The following COL21A1 variants were observed in gnomAD, a reference collection of about 807,000 sequenced individuals.
The protein encoded by COL21A1 is collagen alpha-1(XXI) chain.
A neutral mutation model predicts 137.9 loss-of-function variants in COL21A1; 149 were observed. The observed-to-expected ratio is 1.08, with a 90% CI of 0.95 to 1.24. COL21A1 has a LOEUF of 1.24. COL21A1 is among the 50% of genes most tolerant of loss of function. The pLI is 0.00. For synonymous variants in COL21A1, 456 were observed against 391.5 expected, an observed-to-expected ratio of 1.16 and a Z score of -1.95; for missense variants, 1,167 against 1,158.4, an observed-to-expected ratio of 1.01 and a Z score of -0.11.
At position 56,373,549 on chromosome 6, in the gene COL21A1, C is replaced by A. The variant is rs2093993957; in HGVS notation, c.-39+20422G>T. On this transcript the variant is annotated intron_variant, in intron 1 of 28. Coordinates refer to the COL21A1 transcript ENST00000370819. ...CCCAGGAGGCAGAGGTTTCAGTGAG[C>A]TGAGATCGGGCCACTGTATTCCAGC... Among the ~76,000 whole-genome samples, 3 of 152,206 alleles carry A rather than the reference C, an allele frequency of 2.0e-5. No homozygotes were observed. In the South Asian group the frequency reaches 6.2e-4, roughly 31 times the overall value.
intron 1 of COL21A1, among the ~76,000 whole-genome samples, chr6:56,280,311 C>A (rs1763760999): frequency 6.6e-6 from 1 of 152,184 alleles, no homozygotes; most frequent in African/African-American, 2.4e-5. Context: ...ATAGATGGCA[C>A]AGGACCAGGC....
At chr6:56,282,582 G>A (rs1021339709) in intron 1 of COL21A1, among the ~76,000 whole-genome samples, 3 of 152,192 alleles carry the variant, frequency 2.0e-5, no homozygotes, top group Non-Finnish European at 4.4e-5. Context: ...CTCCTCTGTG[G>A]TCAGAACAGC....
chr6:56,188,731 G>A lies in COL21A1; in HGVS notation c.-38-6075C>T, dbSNP rs539961968. Among the ~76,000 whole-genome samples, 5 of 152,298 alleles carry A rather than the reference G, an allele frequency of 3.3e-5. No individual in the cohort carries two copies. The East Asian group carries it at 7.7e-4, about 24-fold the overall frequency. On this transcript the variant is annotated intron_variant, in intron 1 of 29. Coordinates refer to ENST00000244728, the MANE Select transcript of COL21A1 (RefSeq NM_030820.4). ...AGACACCTCATAGAGAAGAGCTCTG[G>A]CTGGCATCTGGCAGGTGCCCCTCTG...
At chr6:56,358,762 A>G (rs1181787273) in intron 1 of COL21A1, among the ~76,000 whole-genome samples, 1 of 152,228 alleles carries the variant, frequency 6.6e-6, no homozygotes, top group Admixed American at 6.5e-5. Flanking sequence ...TAAAGAAGAA[A>G]GAAAAAAGCC....
intron 12 of COL21A1, among the ~76,000 whole-genome samples, chr6:56,136,552 T>G (rs913510990): frequency 2.6e-5 from 4 of 152,174 alleles, no homozygotes; most frequent in African/African-American, 7.2e-5. Context: ...CTTTCATGGC[T>G]GATGAATATA....
chr6:56,222,123 A>C, intron 1 of COL21A1, among the ~76,000 whole-genome samples: 1 of 152,110 alleles, frequency 6.6e-6, no homozygotes, highest in Non-Finnish European at 1.5e-5. Flanking sequence ...AAATACAAAA[A>C]TTAGCCGGGC....
intron 1 of COL21A1, among the ~76,000 whole-genome samples, chr6:56,361,155 C>T (rs186623073): frequency 3.3e-5 from 5 of 152,208 alleles, no homozygotes; most frequent in Middle Eastern, 3.4e-3. Context: ...CAGAGACTTT[C>T]GGGTTTTATG....
At chr6:56,304,598 TTG>T (rs1764390716) in intron 1 of COL21A1, among the ~76,000 whole-genome samples, 3 of 152,218 alleles carry the variant, frequency 2.0e-5, no homozygotes, top group Non-Finnish European at 4.4e-5. Context: ...TCATTTTTTA[TTG>T]TGTCTATTTC....
intron 9 of COL21A1, among the ~76,000 whole-genome samples, chr6:56,159,054 C>A (rs1776001043): frequency 6.6e-6 from 1 of 152,150 alleles, no homozygotes; most frequent in Admixed American, 6.5e-5. Context: ...TCCCTGCCAT[C>A]CTTCCTTATC....
At chr6:56,359,734 G>C (rs2223593) in intron 1 of COL21A1, among the ~76,000 whole-genome samples, 111,247 of 152,046 alleles carry the variant, frequency 0.73, 41,097 homozygotes, top group East Asian at 0.94. Context: ...ACCAAGTAGT[G>C]CATTAAATTA....
At chr6:56,151,620 A>AT (rs1775328049) in intron 10 of COL21A1, among the ~76,000 whole-genome samples, 1 of 152,292 alleles carries the variant, frequency 6.6e-6, no homozygotes, top group Admixed American at 6.5e-5. Context: ...ATAATTTCCT[A>AT]TTTAAAGTTT....
intron 1 of COL21A1, among the ~76,000 whole-genome samples, chr6:56,189,253 C>T (rs1006032380): frequency 6.6e-6 from 1 of 151,632 alleles, no homozygotes; most frequent in Non-Finnish European, 1.5e-5. Flanking sequence ...ACTAGAATAA[C>T]CAGTTTAGAG....
chr6:56,190,460 A>G (rs994924327), intron 1 of COL21A1, among the ~76,000 whole-genome samples: 1 of 152,214 alleles, frequency 6.6e-6, no homozygotes, highest in Non-Finnish European at 1.5e-5. Flanking sequence ...TAGCCTACCA[A>G]CCAAAAAAGT....
Position 56,092,409 on chromosome 6 carries a change from T to A in COL21A1, c.1812+9063A>T, listed in dbSNP as rs539824551. 9.2e-5 allele frequency among the ~76,000 whole-genome samples: 14 copies of A among 152,296 alleles called. No individual in the cohort carries two copies. In the East Asian group the frequency reaches 2.7e-3, roughly 29 times the overall value. The stretch of plus-strand genomic sequence containing the variant: ...TAACTATTATATATAGCACATTAAG[T>A]ATCATCCATTTAATTGCTTCAAATT... On this transcript the variant is annotated intron_variant, in intron 17 of 29. Coordinates refer to ENST00000244728, the MANE Select transcript of COL21A1 (RefSeq NM_030820.4).
At chr6:56,077,477 A>T in intron 18 of COL21A1, 52 bp downstream of exon 18, 1 of 1,132,602 alleles carries the variant, frequency 8.8e-7, no homozygotes, top group Admixed American at 2.0e-5. Flanking sequence ...GTAGACAACA[A>T]TGCATTAAAT....
At chr6:56,372,218 G>A (rs2093990806) in intron 1 of COL21A1, among the ~76,000 whole-genome samples, 1 of 152,212 alleles carries the variant, frequency 6.6e-6, no homozygotes, top group Admixed American at 6.5e-5. Flanking sequence ...AGTCAAAGCA[G>A]ACACTTTGAC....
At chr6:56,119,830 G>A (rs539968593) in intron 16 of COL21A1, among the ~76,000 whole-genome samples, 2 of 152,166 alleles carry the variant, frequency 1.3e-5, no homozygotes, top group African/African-American at 4.8e-5. Flanking sequence ...TTCAAGAAAT[G>A]GTGCTAGGAA....
intron 16 of COL21A1, 78 bp from the exon 17 acceptor site, chr6:56,101,603 C>T (rs1770463244): frequency 2.0e-6 from 2 of 982,356 alleles, no homozygotes; most frequent in Non-Finnish European, 3.1e-6. Flanking sequence ...TATAACATTA[C>T]ATATTAAAGA....
chr6:56,261,870 T>C (rs1463993512), intron 1 of COL21A1, among the ~76,000 whole-genome samples: 1 of 152,208 alleles, frequency 6.6e-6, no homozygotes, highest in Non-Finnish European at 1.5e-5. Context: ...ATGTGGAAGA[T>C]GTGGTCTCTG....
Sources: gnomAD v4.1 joint callset for allele counts (sites outside exome capture counted in the v4.1 genomes callset) on GRCh38, gnomAD v4.1.1 for gene constraint, MANE v1.5 for transcripts, NCBI Gene and HGNC (gene_info 2026-07-23, HGNC 2026-07-21) for gene names.